LRP1B: variants seen among roughly 807,000 people sequenced by gnomAD.
LRP1B encodes low-density lipoprotein receptor-related protein 1B.
Under a neutral mutation model 556.6 loss-of-function variants are expected in LRP1B, and 217 were observed. The ratio of observed to expected loss-of-function variants is 0.39; its 90% CI spans 0.35 to 0.44. LRP1B has a LOEUF of 0.44. Ranked by LOEUF, LRP1B falls within the 20% of genes least tolerant of loss-of-function variation. The pLI is 1.00. For missense variants in LRP1B, 5,053 were observed against 5,620.8 expected (o/e 0.90, Z 3.23); for synonymous variants, 2,047 against 1,865.8 (o/e 1.10, Z -2.50).
chr2:140,287,323 A>T (rs527576196), intron 84 of LRP1B, among the ~76,000 whole-genome samples: 93 of 151,988 alleles, frequency 6.1e-4, no homozygotes, highest in African/African-American at 2.2e-3. Flanking sequence ...GTTGAAAAAT[A>T]CTAGCTTAAT....
chr2:140,266,183 A>G (rs1047686079), intron 86 of LRP1B, among the ~76,000 whole-genome samples: 4 of 152,022 alleles, frequency 2.6e-5, no homozygotes, highest in Non-Finnish European at 4.4e-5. Flanking sequence ...AAAAGAATCT[A>G]CATTTTTCTC....
chr2:141,467,526 T>C (rs1682278999), intron 3 of LRP1B, among the ~76,000 whole-genome samples: 1 of 152,156 alleles, frequency 6.6e-6, no homozygotes, highest in Non-Finnish European at 1.5e-5. Context: ...GATGGCAATC[T>C]GTCTAGGTGA....
intron 7 of LRP1B, among the ~76,000 whole-genome samples, chr2:141,119,828 G>A (rs907154927): frequency 1.3e-5 from 2 of 151,750 alleles, no homozygotes; most frequent in Non-Finnish European, 2.9e-5. Context: ...AGGGGATAAA[G>A]AGATGTGTAA....
chr2:141,103,905 C>A (rs1316339314), intron 7 of LRP1B, among the ~76,000 whole-genome samples: 2 of 151,702 alleles, frequency 1.3e-5, no homozygotes, highest in Admixed American at 6.6e-5. Context: ...TATTTTGTAC[C>A]AACCACATTT....
intron 1 of LRP1B, among the ~76,000 whole-genome samples, chr2:141,864,620 G>A (rs375626843): frequency 1.3e-5 from 2 of 151,134 alleles, no homozygotes; most frequent in African/African-American, 2.4e-5. Flanking sequence ...AGTGGCTCAC[G>A]CCTGTAATCC....
intron 41 of LRP1B, among the ~76,000 whole-genome samples, chr2:140,652,834 G>C (rs1327731794): frequency 6.6e-6 from 1 of 152,020 alleles, no homozygotes; most frequent in South Asian, 2.1e-4. Flanking sequence ...AGATTACTTT[G>C]TGAGATTACT....
intron 2 of LRP1B, among the ~76,000 whole-genome samples, chr2:141,803,898 A>G (rs1409621733): frequency 6.6e-6 from 1 of 152,140 alleles, no homozygotes; most frequent in East Asian, 1.9e-4. Context: ...TTAAAATCCT[A>G]CTACCTAAAT....
intron 1 of LRP1B, among the ~76,000 whole-genome samples, chr2:142,102,450 T>C (rs1389363416): frequency 6.6e-6 from 1 of 151,388 alleles, no homozygotes; most frequent in African/African-American, 2.4e-5. Context: ...TAGGTTCCTA[T>C]CTCCTAGGAA....
intron 2 of LRP1B, among the ~76,000 whole-genome samples, chr2:141,680,811 A>G (rs889428280): frequency 1.3e-5 from 2 of 152,176 alleles, no homozygotes; most frequent in African/African-American, 2.4e-5. Flanking sequence ...TATGAAAGAA[A>G]TGCTGGTAGC....
chr2:141,893,389 C>T (rs1574470083), intron 1 of LRP1B, among the ~76,000 whole-genome samples: 3 of 152,058 alleles, frequency 2.0e-5, no homozygotes, highest in South Asian at 2.1e-4. Flanking sequence ...TTAGTAGAGC[C>T]GGAGTTTTAC....
chr2:140,579,669 C>T (rs1038436338), intron 43 of LRP1B, among the ~76,000 whole-genome samples: 3 of 152,020 alleles, frequency 2.0e-5, no homozygotes, highest in African/African-American at 7.2e-5. Flanking sequence ...GGGCATAACC[C>T]CATCTCTACT....
intron 3 of LRP1B, among the ~76,000 whole-genome samples, chr2:141,389,181 G>A (rs1172075955): frequency 6.6e-6 from 1 of 152,100 alleles, no homozygotes; most frequent in East Asian, 1.9e-4. Context: ...AAAGAACCTA[G>A]AATAAGAACA....
intron 7 of LRP1B, among the ~76,000 whole-genome samples, chr2:141,159,194 C>T (rs1702140136): frequency 6.6e-6 from 1 of 152,068 alleles, no homozygotes; most frequent in Admixed American, 6.6e-5. Context: ...CACATATCAC[C>T]TTAGCAAAAT....
chr2:140,426,604 C>A (rs997510863), intron 66 of LRP1B, among the ~76,000 whole-genome samples: 8 of 152,170 alleles, frequency 5.3e-5, no homozygotes, highest in Non-Finnish European at 1.2e-4. Flanking sequence ...CCTTGTGACC[C>A]CCACATCTGC....
rs12474794 is a variant in LRP1B at position 140,758,338 on chromosome 2, A to T, written c.5758+10875T>A. On this transcript the variant is annotated intron_variant, in intron 35 of 90. Transcript: ENST00000389484. ...TCAATAATAAAATTTATTTGTATTT[A>T]AAAAATAGCATGAATATTAAATACC... 3.1e-3 allele frequency among the ~76,000 whole-genome samples: 472 copies of T among 152,188 alleles called. 17 individuals are homozygous for T. Among genetic ancestry groups the T allele is most frequent in the Admixed American group, 0.026 (399 of 15,278 alleles).
At chr2:140,367,104 T>C (rs1682796313) in intron 71 of LRP1B, among the ~76,000 whole-genome samples, 1 of 151,648 alleles carries the variant, frequency 6.6e-6, no homozygotes, top group Non-Finnish European at 1.5e-5. Context: ...TTTGCTAGTT[T>C]GGTGGCCAGA....
chr2:140,885,253 G>A (rs1693598933), intron 24 of LRP1B, among the ~76,000 whole-genome samples: 1 of 151,888 alleles, frequency 6.6e-6, no homozygotes, highest in African/African-American at 2.4e-5. Context: ...AATTGCAAAG[G>A]TGATTTACAA....
At chr2:141,583,940 G>C (rs1687039219) in intron 2 of LRP1B, among the ~76,000 whole-genome samples, 1 of 151,058 alleles carries the variant, frequency 6.6e-6, no homozygotes, top group African/African-American at 2.5e-5. Context: ...GGGTTTCACT[G>C]TGTTAGCCAG....
At chr2:140,279,675 G>C (rs997186533) in intron 84 of LRP1B, among the ~76,000 whole-genome samples, 2 of 151,808 alleles carry the variant, frequency 1.3e-5, no homozygotes, top group Non-Finnish European at 1.5e-5. Context: ...TACTAATTTA[G>C]CAAAGTATGA....
Sources: gnomAD v4.1 joint callset for allele counts (sites outside exome capture counted in the v4.1 genomes callset) on GRCh38, gnomAD v4.1.1 for gene constraint, MANE v1.5 for transcripts, NCBI Gene and HGNC (gene_info 2026-07-23, HGNC 2026-07-21) for gene names.